The following SLC39A11 variants were observed in gnomAD, a reference collection of about 807,000 sequenced individuals.
The protein encoded by SLC39A11 is solute carrier family 39 member 11.
Under a neutral mutation model 36.1 loss-of-function variants are expected in SLC39A11, and 33 were observed. That is an observed-to-expected ratio of 0.91 (90% CI 0.69 to 1.22). The LOEUF (loss-of-function observed/expected upper bound fraction) is 1.22. SLC39A11 is among the 50% of genes most tolerant of loss of function. The pLI is 0.00. For synonymous variants in SLC39A11, 166 were observed against 170.3 expected (o/e 0.97, Z 0.20); for missense variants, 432 against 430.3 (o/e 1.00, Z -0.03).
At chr17:72,863,030 A>G (rs1442983146) in intron 5 of SLC39A11, among the ~76,000 whole-genome samples, 1 of 152,210 alleles carries the variant, frequency 6.6e-6, no homozygotes, top group Non-Finnish European at 1.5e-5. Flanking sequence ...TCCACAGTAG[A>G]CCCAGGCAGG....
intron 1 of SLC39A11, among the ~76,000 whole-genome samples, chr17:73,091,492 A>G (rs915309594): frequency 8.5e-5 from 13 of 152,194 alleles, no homozygotes; most frequent in African/African-American, 2.9e-4. Flanking sequence ...AAACTTCTAC[A>G]ATACCAAGAG....
chr17:72,682,348 G>A (rs544036123), intron 7 of SLC39A11, among the ~76,000 whole-genome samples: 1 of 133,678 alleles, frequency 7.5e-6, no homozygotes, highest in Admixed American at 9.2e-5. Context: ...CCGGTCCCTG[G>A]TACCAAAAAG....
At chr17:73,014,251 C>T (rs1038661240) in intron 4 of SLC39A11, among the ~76,000 whole-genome samples, 1 of 152,182 alleles carries the variant, frequency 6.6e-6, no homozygotes, top group African/African-American at 2.4e-5. Flanking sequence ...TTAACCTCGA[C>T]CCAGCATGTC....
intron 6 of SLC39A11, among the ~76,000 whole-genome samples, chr17:72,758,190 G>A (rs2075434500): frequency 6.6e-6 from 1 of 152,158 alleles, no homozygotes; most frequent in African/African-American, 2.4e-5. Flanking sequence ...CCAGTCTTTA[G>A]TTAGTATTTA....
At chr17:72,680,711 G>C (rs1294937951) in intron 7 of SLC39A11, among the ~76,000 whole-genome samples, 1 of 152,204 alleles carries the variant, frequency 6.6e-6, no homozygotes, top group African/African-American at 2.4e-5. Flanking sequence ...CTACACGCAT[G>C]TGGCCTTTTG....
chr17:73,023,725 G>A (rs1277035835), intron 4 of SLC39A11, among the ~76,000 whole-genome samples: 3 of 152,162 alleles, frequency 2.0e-5, no homozygotes, highest in South Asian at 2.1e-4. Flanking sequence ...TCCTGACTGC[G>A]TGATCCGCCC....
At chr17:72,791,904 T>C (rs2076718321) in intron 6 of SLC39A11, among the ~76,000 whole-genome samples, 1 of 152,254 alleles carries the variant, frequency 6.6e-6, no homozygotes, top group Middle Eastern at 3.2e-3. Flanking sequence ...TGCAGATCTG[T>C]GAGTCAGTTA....
chr17:72,690,181 G>A (rs1341211232), intron 7 of SLC39A11, among the ~76,000 whole-genome samples: 1 of 152,266 alleles, frequency 6.6e-6, no homozygotes. Flanking sequence ...TGTCCCATGG[G>A]ATGGGGGTAC....
At chr17:72,675,294 T>C (rs557952310) in intron 7 of SLC39A11, among the ~76,000 whole-genome samples, 6 of 152,264 alleles carry the variant, frequency 3.9e-5, no homozygotes, top group African/African-American at 1.4e-4. Context: ...TAGCTAGTTC[T>C]TCCACTATGT....
At chr17:72,650,871 C>A (rs1486340261) in intron 7 of SLC39A11, among the ~76,000 whole-genome samples, 3 of 152,302 alleles carry the variant, frequency 2.0e-5, no homozygotes, top group Middle Eastern at 3.4e-3. Flanking sequence ...ACACTCGTGG[C>A]CCTGAAGGTC....
intron 3 of SLC39A11, among the ~76,000 whole-genome samples, chr17:73,069,971 C>G (rs138015608): frequency 1.3e-5 from 2 of 152,360 alleles, no homozygotes; most frequent in East Asian, 3.9e-4. Context: ...CTCCTACCAT[C>G]TGTCTGGATT....
chr17:72,668,550 G>C (rs2070857729), intron 7 of SLC39A11, among the ~76,000 whole-genome samples: 1 of 152,174 alleles, frequency 6.6e-6, no homozygotes. Flanking sequence ...GACCTCTGAG[G>C]GATAACTCAG....
At chr17:72,970,264 G>C (rs2087341186) in intron 4 of SLC39A11, among the ~76,000 whole-genome samples, 1 of 152,124 alleles carries the variant, frequency 6.6e-6, no homozygotes, top group Non-Finnish European at 1.5e-5. Flanking sequence ...TTTTTGCTCT[G>C]AACTAGGAAC....
chr17:72,844,360 G>A (rs1262826571), intron 6 of SLC39A11, among the ~76,000 whole-genome samples: 1 of 152,082 alleles, frequency 6.6e-6, no homozygotes, highest in Non-Finnish European at 1.5e-5. Flanking sequence ...CAGTGTCAGG[G>A]GTTTAAGTAA....
chr17:72,706,785 A>G (rs989353013), intron 7 of SLC39A11, among the ~76,000 whole-genome samples: 34 of 152,214 alleles, frequency 2.2e-4, no homozygotes, highest in African/African-American at 7.7e-4. Flanking sequence ...AGTGCTCCCT[A>G]TGGAAGAGTG....
chr17:73,038,807 G>C (rs191551855), intron 3 of SLC39A11, among the ~76,000 whole-genome samples: 2 of 145,282 alleles, frequency 1.4e-5, no homozygotes, highest in Non-Finnish European at 3.0e-5. Flanking sequence ...GGGAGGGGAG[G>C]GGACGAGTTG....
intron 6 of SLC39A11, among the ~76,000 whole-genome samples, chr17:72,749,340 C>A (rs1159518396): frequency 1.3e-5 from 2 of 152,156 alleles, no homozygotes; most frequent in Non-Finnish European, 1.5e-5. Context: ...AATCACCTGG[C>A]CACTGGGCTT....
intron 6 of SLC39A11, among the ~76,000 whole-genome samples, chr17:72,771,457 T>C (rs912014250): frequency 3.9e-5 from 6 of 152,004 alleles, no homozygotes; most frequent in Admixed American, 3.3e-4. Context: ...TCGTGTTCTA[T>C]AGGAGCTGAC....
chr17:72,684,530 A>G (rs894863858), intron 7 of SLC39A11, among the ~76,000 whole-genome samples: 2 of 152,170 alleles, frequency 1.3e-5, no homozygotes, highest in Non-Finnish European at 2.9e-5. Flanking sequence ...GCTTTCCTCT[A>G]GACCCCAAGA....
Sources: allele counts gnomAD v4.1 joint callset (sites outside exome capture counted in the v4.1 genomes callset), GRCh38; gene constraint gnomAD v4.1.1; transcripts MANE v1.5; gene names NCBI Gene and HGNC (gene_info 2026-07-23, HGNC 2026-07-21).